Variants in RNF13 observed in about 807,000 individuals in gnomAD.
The protein encoded by RNF13 is E3 ubiquitin-protein ligase RNF13.
RNF13 carries 19 observed loss-of-function variants against 37.7 expected under a neutral mutation model. The observed-to-expected ratio is 0.50, with a 90% CI of 0.35 to 0.74. RNF13 has a LOEUF of 0.74. RNF13 is among the 30% of genes least tolerant of loss of function. The pLI is 0.01. For missense variants in RNF13, 375 were observed against 453.0 expected (o/e 0.83, Z 1.56); for synonymous variants, 144 against 157.8 (o/e 0.91, Z 0.65).
intron 5 of RNF13, among the ~76,000 whole-genome samples, chr3:149,898,575 A>G (rs1332088644): frequency 6.6e-6 from 1 of 152,136 alleles, no homozygotes; most frequent in Non-Finnish European, 1.5e-5. Context: ...TGATCTGTGA[A>G]ATTAGGATAA....
At chr3:149,855,486 AATAC>A (rs1723555240) in intron 3 of RNF13, among the ~76,000 whole-genome samples, 1 of 151,464 alleles carries the variant, frequency 6.6e-6, no homozygotes, top group Non-Finnish European at 1.5e-5. Flanking sequence ...CCTCTTTAAA[AATAC>A]ATATATATGT....
chr3:149,905,981 C>A (rs1011133232), intron 6 of RNF13, among the ~76,000 whole-genome samples: 3 of 152,198 alleles, frequency 2.0e-5, no homozygotes, highest in Admixed American at 6.5e-5. Context: ...GCAGTCACTT[C>A]CTATTCCCCA....
intron 8 of RNF13, among the ~76,000 whole-genome samples, chr3:149,947,732 G>A (rs1480085087): frequency 2.0e-5 from 3 of 151,938 alleles, no homozygotes; most frequent in Non-Finnish European, 4.4e-5. Context: ...GTTGCTTCAC[G>A]TATTTGACTG....
chr3:149,905,799 C>T (rs1716325575), intron 6 of RNF13, among the ~76,000 whole-genome samples: 2 of 151,856 alleles, frequency 1.3e-5, no homozygotes, highest in Admixed American at 1.3e-4. Context: ...TTGTCCTTCC[C>T]AATGAAATTT....
intron 1 of RNF13, among the ~76,000 whole-genome samples, chr3:149,840,839 AC>A (rs1193353459): frequency 1.3e-5 from 2 of 152,346 alleles, no homozygotes; most frequent in Middle Eastern, 3.4e-3. Flanking sequence ...ATGCATCTTC[AC>A]TGAGAAGCCT....
At chr3:149,931,447 A>G (rs2108558028) in intron 8 of RNF13, among the ~76,000 whole-genome samples, 1 of 152,054 alleles carries the variant, frequency 6.6e-6, no homozygotes, top group South Asian at 2.1e-4. Context: ...CTCTGTTTCT[A>G]GTTTCCTAAA....
chr3:149,894,276 T>G (rs58022131), intron 4 of RNF13, among the ~76,000 whole-genome samples: 4,537 of 152,288 alleles, frequency 0.03, 80 homozygotes, highest in South Asian at 0.036. Context: ...ATGTAGAAGA[T>G]AATTTTTCTC....
chr3:149,815,212 G>GTGAGGGTAGGCC (rs1182364085), intron 1 of RNF13, among the ~76,000 whole-genome samples: 11 of 152,292 alleles, frequency 7.2e-5, no homozygotes, highest in South Asian at 2.1e-4. Context: ...CTTTAGCTAA[G>GTGAGGGTAGGCC]TGAGGGTAGG....
intron 3 of RNF13, among the ~76,000 whole-genome samples, chr3:149,870,691 G>C (rs779624641): frequency 6.6e-6 from 1 of 151,888 alleles, no homozygotes; most frequent in Non-Finnish European, 1.5e-5. Context: ...GTTGTACTTC[G>C]TTGCAAAACA....
chr3:149,814,834 A>G (rs1025913953), intron 1 of RNF13, among the ~76,000 whole-genome samples: 1 of 152,244 alleles, frequency 6.6e-6, no homozygotes, highest in Non-Finnish European at 1.5e-5. Flanking sequence ...AAATGAAACA[A>G]AATTTGTCTA....
At chr3:149,936,423 C>T (rs1176987438) in intron 8 of RNF13, among the ~76,000 whole-genome samples, 1 of 151,868 alleles carries the variant, frequency 6.6e-6, no homozygotes, top group African/African-American at 2.4e-5. Flanking sequence ...TTCCTTTTTA[C>T]TCTCCTATGT....
chr3:149,951,845 A>G (rs925114218), intron 8 of RNF13, among the ~76,000 whole-genome samples: 4 of 152,218 alleles, frequency 2.6e-5, no homozygotes, highest in African/African-American at 9.6e-5. Flanking sequence ...AGACTTAGAA[A>G]GGTCAAGTAA....
chr3:149,883,602 G>T (rs148481467), intron 4 of RNF13, among the ~76,000 whole-genome samples: 1 of 151,042 alleles, frequency 6.6e-6, no homozygotes, highest in Non-Finnish European at 1.5e-5. Flanking sequence ...TCATAATTCC[G>T]TATCCATGTA....
intron 1 of RNF13, among the ~76,000 whole-genome samples, chr3:149,835,667 T>TGTGTGTGTGTGTTTG (rs1218091872): frequency 3.2e-4 from 28 of 88,050 alleles, no homozygotes; most frequent in African/African-American, 1.1e-3. Flanking sequence ...GTGTGTGTGT[T>TGTGTGTGTGTGTTTG]TGTGTGTGTG....
At chr3:149,909,277 CTT>C (rs397766921) in intron 6 of RNF13, among the ~76,000 whole-genome samples, 32 of 139,938 alleles carry the variant, frequency 2.3e-4, no homozygotes, top group Admixed American at 2.9e-4. Context: ...TGCTCAAAAC[CTT>C]TTTTTTTTTT....
At chr3:149,891,019 G>A (rs1304065700) in intron 4 of RNF13, among the ~76,000 whole-genome samples, 3 of 152,066 alleles carry the variant, frequency 2.0e-5, no homozygotes, top group African/African-American at 7.2e-5. Flanking sequence ...GCATCTTGAT[G>A]CTTTCTCAGT....
At chr3:149,842,178 C>G (rs1271712616) in intron 1 of RNF13, among the ~76,000 whole-genome samples, 1 of 152,124 alleles carries the variant, frequency 6.6e-6, no homozygotes, top group Non-Finnish European at 1.5e-5. Flanking sequence ...TTCAATTATT[C>G]CTATCTGCTG....
intron 1 of RNF13, among the ~76,000 whole-genome samples, chr3:149,827,329 C>T (rs1720603386): frequency 6.6e-6 from 1 of 152,118 alleles, no homozygotes. Flanking sequence ...AGGAACTTGA[C>T]CATCCATAGA....
chr3:149,920,843 C>T (rs1206876314), intron 7 of RNF13, among the ~76,000 whole-genome samples: 2 of 127,242 alleles, frequency 1.6e-5, no homozygotes, highest in African/African-American at 5.7e-5. Flanking sequence ...CTATAGTTTA[C>T]CATTTGTATT....
Sources: gnomAD v4.1 joint callset for allele counts (sites outside exome capture counted in the v4.1 genomes callset) on GRCh38, gnomAD v4.1.1 for gene constraint, MANE v1.5 for transcripts, NCBI Gene and HGNC (gene_info 2026-07-23, HGNC 2026-07-21) for gene names.